Variants in GRIK2 observed in about 807,000 individuals in gnomAD.
GRIK2 encodes the protein glutamate ionotropic receptor kainate type subunit 2.
In GRIK2, 32 loss-of-function variants were observed where a neutral mutation model predicts 100.3. The observed-to-expected ratio is 0.32, with a 90% CI of 0.24 to 0.43. The LOEUF (loss-of-function observed/expected upper bound fraction) is 0.43, where lower values mean the gene tolerates loss of function less well. GRIK2 is among the 20% of genes least tolerant of loss of function. GRIK2 has a pLI of 1.00. For missense variants in GRIK2, 843 were observed against 1,114.9 expected, an observed-to-expected ratio of 0.76 and a Z score of 3.47; for synonymous variants, 417 against 389.4, an observed-to-expected ratio of 1.07 and a Z score of -0.83.
At chr6:101,650,892 G>A (rs553975193) in intron 4 of GRIK2, among the ~76,000 whole-genome samples, 2 of 151,784 alleles carry the variant, frequency 1.3e-5, no homozygotes, top group Non-Finnish European at 2.9e-5. Flanking sequence ...AACAGCCATC[G>A]CATATGCATT....
chr6:101,627,117 CTG>C (rs111285339), intron 4 of GRIK2, among the ~76,000 whole-genome samples: 3,844 of 144,378 alleles, frequency 0.027, 47 homozygotes, highest in African/African-American at 0.037. Flanking sequence ...GTGTGTGTCT[CTG>C]TGTGTGTGTG....
intron 15 of GRIK2, among the ~76,000 whole-genome samples, chr6:102,046,017 T>C (rs1383209012): frequency 2.6e-5 from 4 of 152,032 alleles, no homozygotes; most frequent in South Asian, 2.1e-4. Context: ...ATGTATTCCA[T>C]GCACATGGTA....
chr6:101,613,366 T>C lies in GRIK2; in HGVS notation c.116-8583T>C, dbSNP rs568937191. On this transcript the variant is annotated intron_variant, in intron 2 of 16. Transcript: ENST00000369134. ...ACTTAGATATAAAAGCAAAACTGAA[T>C]ATGACCTAAAGGCAGAAGGTAAAGA... 7.5e-4 allele frequency among the ~76,000 whole-genome samples: 114 copies of C among 151,862 alleles called. 2 individuals carry two copies. The South Asian group carries it at 0.023, about 31-fold the overall frequency.
chr6:101,789,173 A>G (rs906203418), intron 7 of GRIK2, among the ~76,000 whole-genome samples: 42 of 152,120 alleles, frequency 2.8e-4, no homozygotes, highest in South Asian at 1.5e-3. Context: ...TCACTCTGAT[A>G]GTAGTTTCTT....
At chr6:101,412,582 T>C (rs1043008378) in intron 2 of GRIK2, among the ~76,000 whole-genome samples, 1 of 152,048 alleles carries the variant, frequency 6.6e-6, no homozygotes, top group African/African-American at 2.4e-5. Context: ...AAGCTTTCTT[T>C]TTGGACTCAG....
intron 2 of GRIK2, among the ~76,000 whole-genome samples, chr6:101,560,032 T>C (rs554183624): frequency 1.3e-5 from 2 of 152,246 alleles, no homozygotes; most frequent in East Asian, 3.9e-4. Flanking sequence ...TGAAGCTTCA[T>C]AGCAGAGGAA....
At chr6:101,558,620 G>T (rs372338987) in intron 2 of GRIK2, among the ~76,000 whole-genome samples, 33 of 151,332 alleles carry the variant, frequency 2.2e-4, no homozygotes, top group African/African-American at 6.1e-4. Flanking sequence ...GGGTTGAATT[G>T]TCCAGATTTA....
intron 14 of GRIK2, among the ~76,000 whole-genome samples, chr6:102,027,857 C>T (rs1769784311): frequency 1.3e-5 from 2 of 150,896 alleles, no homozygotes; most frequent in South Asian, 2.1e-4. Flanking sequence ...AAAGAAGATA[C>T]CTTTATATTT....
intron 4 of GRIK2, among the ~76,000 whole-genome samples, chr6:101,656,324 G>T (rs568708728): frequency 6.8e-6 from 1 of 147,652 alleles, no homozygotes; most frequent in Non-Finnish European, 1.5e-5. Context: ...AAAGAAAAAA[G>T]AAATGATAAA....
chr6:101,995,030 T>C lies in GRIK2; in HGVS notation c.2086-40311T>C, dbSNP rs1232422780. Among the ~76,000 whole-genome samples the C allele has an allele frequency of 3.3e-5, 5 of 151,940 alleles. No homozygotes were observed. In the Admixed American group the frequency reaches 3.3e-4, roughly 10 times the overall value. On this transcript the variant is annotated intron_variant, in intron 14 of 16. Transcript: ENST00000369134. The stretch of plus-strand genomic sequence containing the variant: ...TGATCACTACTGTGATATAGATTCT[T>C]ATTATTTTATCTTATTTGAAAACTA...
At chr6:101,468,722 A>G (rs894073935) in intron 2 of GRIK2, among the ~76,000 whole-genome samples, 1 of 152,158 alleles carries the variant, frequency 6.6e-6, no homozygotes, top group African/African-American at 2.4e-5. Flanking sequence ...TTAACAAGAT[A>G]TAGGAGTTTT....
intron 14 of GRIK2, among the ~76,000 whole-genome samples, chr6:101,999,863 CT>C (rs1205324208): frequency 1.3e-5 from 2 of 151,770 alleles, no homozygotes; most frequent in Non-Finnish European, 2.9e-5. Context: ...CTGAAATATT[CT>C]TTTTTAGTGT....
At chr6:101,467,931 A>AT (rs542206475) in intron 2 of GRIK2, among the ~76,000 whole-genome samples, 14 of 141,118 alleles carry the variant, frequency 9.9e-5, no homozygotes, top group African/African-American at 2.5e-4. Context: ...CCCACGATAT[A>AT]TTTTTTTTTT....
intron 2 of GRIK2, among the ~76,000 whole-genome samples, chr6:101,572,774 A>G (rs953992708): frequency 7.0e-6 from 1 of 141,910 alleles, no homozygotes; most frequent in African/African-American, 2.6e-5. Context: ...TTTTTTTTAG[A>G]ATCACTTTAA....
At chr6:101,659,438 G>C (rs944521088) in intron 4 of GRIK2, among the ~76,000 whole-genome samples, 9 of 152,120 alleles carry the variant, frequency 5.9e-5, no homozygotes, top group African/African-American at 2.2e-4. Flanking sequence ...TTGAAGTCAG[G>C]TAGCAGTATG....
intron 2 of GRIK2, among the ~76,000 whole-genome samples, chr6:101,614,498 A>AG (rs1380580489): frequency 1.3e-5 from 2 of 151,624 alleles, no homozygotes; most frequent in African/African-American, 4.8e-5. Flanking sequence ...TTGCCTAAGG[A>AG]GAAAAAAATG....
intron 5 of GRIK2, among the ~76,000 whole-genome samples, chr6:101,678,163 C>T (rs544762526): frequency 1.3e-5 from 2 of 152,182 alleles, no homozygotes; most frequent in South Asian, 4.2e-4. Context: ...TTTCTCTAGG[C>T]TTCTAGTAAG....
At chr6:101,538,662 G>T (rs1165318095) in intron 2 of GRIK2, among the ~76,000 whole-genome samples, 1 of 150,226 alleles carries the variant, frequency 6.7e-6, no homozygotes, top group African/African-American at 2.4e-5. Flanking sequence ...AAGGATCCTT[G>T]TCTGCTATAG....
At chr6:101,451,168 TTA>T (rs1261724729) in intron 2 of GRIK2, among the ~76,000 whole-genome samples, 2 of 151,744 alleles carry the variant, frequency 1.3e-5, no homozygotes, top group Non-Finnish European at 3.0e-5. Context: ...TACTTAATCT[TTA>T]TGTTTGAGCT....
Sources: gnomAD v4.1 joint callset for allele counts (sites outside exome capture counted in the v4.1 genomes callset) on GRCh38, gnomAD v4.1.1 for gene constraint, MANE v1.5 for transcripts, NCBI Gene and HGNC (gene_info 2026-07-23, HGNC 2026-07-21) for gene names.